LRTM3: variants seen among roughly 807,000 people sequenced by gnomAD.
LRTM3 encodes the protein leucine-rich repeat transmembrane protein 3.
At chr13:102,740,283 C>G in the LRTM3 span, 5 of 1,549,952 alleles carry the variant, frequency 3.2e-6, no homozygotes, top group Non-Finnish European at 4.4e-6. Flanking sequence ...AGCATTGAAT[C>G]TTGTTTTTTC....
At chr13:102,731,716 T>C in the LRTM3 span, 1 of 1,551,424 alleles carries the variant, frequency 6.4e-7, no homozygotes, top group Non-Finnish European at 8.7e-7. Flanking sequence ...CTATTTTGAC[T>C]TCGCTACTTT....
chr13:102,758,018 C>G, the LRTM3 span, among the ~76,000 whole-genome samples: 2 of 152,200 alleles, frequency 1.3e-5, no homozygotes, highest in Non-Finnish European at 2.9e-5. Flanking sequence ...TCTGATTTTA[C>G]AAACTCCTTT....
At chr13:102,750,263 T>G in the LRTM3 span, 2 of 1,551,218 alleles carry the variant, frequency 1.3e-6, no homozygotes, top group Non-Finnish European at 1.7e-6. Flanking sequence ...ACTTACTTGA[T>G]CTTCACTTTC....
chr13:102,742,924 T>A, the LRTM3 span: 7 of 1,550,178 alleles, frequency 4.5e-6, no homozygotes, highest in South Asian at 8.3e-5. Context: ...AATTATCTGA[T>A]TTCTCCATCC....
chr13:102,729,973 C>T, the LRTM3 span: 2 of 1,551,676 alleles, frequency 1.3e-6, no homozygotes, highest in African/African-American at 2.7e-5. Flanking sequence ...TTGTTCTGCT[C>T]TTGGTAGTCC....
At chr13:102,729,599 C>T in the LRTM3 span, 9 of 1,538,412 alleles carry the variant, frequency 5.9e-6, no homozygotes, top group African/African-American at 1.4e-5. Context: ...AATAGTCCAG[C>T]GAATGGTTTT....
the LRTM3 span, chr13:102,747,142 A>G: frequency 6.4e-7 from 1 of 1,550,862 alleles, no homozygotes; most frequent in Middle Eastern, 1.7e-4. Context: ...CATTTCCCTC[A>G]TTAATGAAAT....
At chr13:102,740,736 A>G in the LRTM3 span, 1 of 1,548,604 alleles carries the variant, frequency 6.5e-7, no homozygotes, top group East Asian at 2.4e-5. Context: ...AGAGCCTTGT[A>G]TGTATATTTT....
chr13:102,740,113 T>G, the LRTM3 span: 2 of 1,548,272 alleles, frequency 1.3e-6, no homozygotes, highest in Non-Finnish European at 1.7e-6. Context: ...TTTGTACCTT[T>G]TCATTTGCCT....
At chr13:102,729,516 A>G in the LRTM3 span, 11 of 1,484,180 alleles carry the variant, frequency 7.4e-6, no homozygotes, top group South Asian at 1.4e-5. Flanking sequence ...GAGGAACTCC[A>G]TATATTCCAA....
the LRTM3 span, chr13:102,729,373 G>A: frequency 9.2e-7 from 1 of 1,085,008 alleles, no homozygotes; most frequent in Non-Finnish European, 1.2e-6. Context: ...GCCATTGGAT[G>A]TTATATGATT....
At chr13:102,734,636 G>C in the LRTM3 span, 1 of 1,550,458 alleles carries the variant, frequency 6.4e-7, no homozygotes, top group Non-Finnish European at 8.7e-7. Flanking sequence ...AACATCTTTT[G>C]GGATATCACC....
At chr13:102,745,735 A>G in the LRTM3 span, 1 of 1,551,188 alleles carries the variant, frequency 6.4e-7, no homozygotes, top group South Asian at 1.2e-5. Context: ...CAGATGAGAT[A>G]CCACCTTCTC....
chr13:102,737,597 T>C, the LRTM3 span: 1 of 1,550,982 alleles, frequency 6.4e-7, no homozygotes, highest in Non-Finnish European at 8.7e-7. Context: ...TGGTAGGTTC[T>C]GTGAAAGTGC....
At chr13:102,747,187 C>G in the LRTM3 span, 1 of 1,550,606 alleles carries the variant, frequency 6.4e-7, no homozygotes, top group Non-Finnish European at 8.7e-7. Flanking sequence ...TTTGGGATTC[C>G]TCTTGGACTA....
At chr13:102,749,857 C>T in the LRTM3 span, 1 of 1,551,440 alleles carries the variant, frequency 6.4e-7, no homozygotes, top group Non-Finnish European at 8.7e-7. Flanking sequence ...GATTCTGATT[C>T]AAGGACTCTT....
chr13:102,736,186 A>C, the LRTM3 span: 2 of 1,547,974 alleles, frequency 1.3e-6, no homozygotes, highest in South Asian at 1.2e-5. Context: ...GAGAGAATCT[A>C]TGGTGAGAGA....
chr13:102,745,487 C>T, the LRTM3 span: 1 of 1,550,826 alleles, frequency 6.4e-7, no homozygotes, highest in South Asian at 1.2e-5. Context: ...TGTCAAGTTA[C>T]AGCTCAGTTC....
the LRTM3 span, chr13:102,738,243 T>A: frequency 6.4e-7 from 1 of 1,551,012 alleles, no homozygotes; most frequent in Non-Finnish European, 8.7e-7. Context: ...TTCTGTTGCA[T>A]GTAATCTTTT....
Sources: allele counts gnomAD v4.1 joint callset (sites outside exome capture counted in the v4.1 genomes callset), GRCh38; gene constraint gnomAD v4.1.1; transcripts MANE v1.5; gene names NCBI Gene and HGNC (gene_info 2026-07-23, HGNC 2026-07-21).